The following RHD variants were observed in gnomAD, a reference collection of about 807,000 sequenced individuals.
RHD encodes the protein Rh blood group D antigen.
In RHD, 16 loss-of-function variants were observed where a neutral mutation model predicts 45.5. The observed-to-expected ratio is 0.35, with a 90% CI of 0.24 to 0.53. The LOEUF (loss-of-function observed/expected upper bound fraction) is 0.53, where lower values mean the gene tolerates loss of function less well. Among genes scored for constraint, RHD ranks in the 20% least tolerant of loss-of-function variants. RHD has a pLI of 0.92. For synonymous variants in RHD, 131 were observed against 217.5 expected, an observed-to-expected ratio of 0.60 and a Z score of 3.50; for missense variants, 306 against 532.0, an observed-to-expected ratio of 0.58 and a Z score of 4.18.
At chr1:25,283,779 G>C (rs1261493602) in intron 1 of RHD, among the ~76,000 whole-genome samples, 1 of 134,002 alleles carries the variant, frequency 7.5e-6, no homozygotes, top group African/African-American at 2.6e-5. Flanking sequence ...CACAGTTAGA[G>C]GGTGCCAGAG....
rs1386864174 is a variant in RHD, at chr1:25,314,601, C to A, written c.1074-2399C>A. ...CTCTGCCTCCCAGCTTCAAGCAATT[C>A]TCATACTTCATCCTCCTGAGTAGCT... On this transcript the variant is annotated intron_variant, in intron 7 of 9. Coordinates refer to ENST00000328664, the MANE Select transcript of RHD (RefSeq NM_016124.6). 3.0e-5 allele frequency among the ~76,000 whole-genome samples: 4 copies of A among 132,886 alleles called. 2 individuals carry two copies. Among genetic ancestry groups the A allele is most frequent in the South Asian group, 4.6e-4 (2 of 4,346 alleles). The allele number at this position is 132,886 out of a possible 152,430, so 87.2% of individuals were successfully genotyped here. A position where few individuals can be genotyped will look rare whatever the true frequency, so the allele number is the denominator to read the frequency against.
intron 1 of RHD, among the ~76,000 whole-genome samples, chr1:25,274,833 C>T (rs564891918): frequency 3.0e-5 from 4 of 131,742 alleles, no homozygotes; most frequent in Admixed American, 2.2e-4. Context: ...ATGGCAAAAC[C>T]GCATCTCTAC....
chr1:25,274,817 G>C (rs1640803139), intron 1 of RHD, among the ~76,000 whole-genome samples: 1 of 133,442 alleles, frequency 7.5e-6, no homozygotes, highest in African/African-American at 2.6e-5. Context: ...GACCAGCCTG[G>C]CCAACATGGC....
At chr1:25,299,532 TG>T (rs1469565132) in intron 3 of RHD, among the ~76,000 whole-genome samples, 1 of 131,058 alleles carries the variant, frequency 7.6e-6, no homozygotes, top group Non-Finnish European at 1.8e-5. Flanking sequence ...ACACCCTGGC[TG>T]GGGGTCAGCA....
At chr1:25,281,896 A>T (rs1268385302) in intron 1 of RHD, among the ~76,000 whole-genome samples, 1 of 132,364 alleles carries the variant, frequency 7.6e-6, no homozygotes, top group Non-Finnish European at 1.8e-5. Context: ...TGTATGTTTC[A>T]ATGGAAGTGA....
At position 25,322,457 on chromosome 1, in the gene RHD, G is replaced by A; in HGVS notation, c.1227+495G>A. Among the ~76,000 whole-genome samples, 2 of 132,918 alleles carry A rather than the reference G, an allele frequency of 1.5e-5. 1 individual carries two copies. Among genetic ancestry groups the A allele is most frequent in the Non-Finnish European group, 3.6e-5 (2 of 55,952 alleles). The allele number at this position is 132,918 out of a possible 152,430, so 87.2% of individuals were successfully genotyped here. A position where few individuals can be genotyped will look rare whatever the true frequency, so the allele number is the denominator to read the frequency against. On this transcript the variant is annotated intron_variant, in intron 9 of 9. Coordinates refer to ENST00000328664, the MANE Select transcript of RHD (RefSeq NM_016124.6). The stretch of plus-strand genomic sequence containing the variant: ...GGAGGCTGAGGTGGGGCGATCACCT[G>A]AGGCCAGGAGTTCGAGACCAGCCTG...
In RHD at chr1:25,290,790, A is replaced by G. The variant is rs762720982; in HGVS notation, c.485A>G (p.Asn162Ser). The change falls in exon 3 of 10, where the codon AAC (asparagine) becomes AGC (serine). Residue 162 changes from asparagine (N) to serine (S), a missense_variant and splice_region_variant. Coordinates refer to ENST00000328664, the MANE Select transcript of RHD (RefSeq NM_016124.6). Reference protein sequence around the residue: ...NLRMVISNIFNTDYHMNMMHI... With the variant: ...NLRMVISNIFSTDYHMNMMHI... ...AGGATGGTCATCAGTAATATCTTCA[A>G]CGTGAGTCATGGTGCTGGGAGGAGG... 5.4e-5 allele frequency: 75 copies of G among 1,376,176 alleles called. 16 individuals are homozygous for G. The highest frequency in any genetic ancestry group is 7.4e-5 in the Non-Finnish European group (72 of 977,724). 85.2% of individuals were successfully genotyped at this position (1,376,176 alleles called of 1,614,324 possible).
Position 25,300,104 on chromosome 1 carries a change from A to G in RHD, c.487-842A>G, listed in dbSNP as rs1411863435. On this transcript the variant is annotated intron_variant, in intron 3 of 9. Transcript: ENST00000328664. The stretch of plus-strand genomic sequence containing the variant: ...AAGAAGTCTGGTTGCTTCATGTTGC[A>G]AAATTTATATCACTCATCACTCCCG... Among the ~76,000 whole-genome samples, 31 of 131,306 alleles carry G rather than the reference A, an allele frequency of 2.4e-4. 6 individuals are homozygous for G. The highest frequency in any genetic ancestry group is 7.9e-4 in the African/African-American group (30 of 38,116). The allele number at this position is 131,306 out of a possible 152,430, so 86.1% of individuals were successfully genotyped here. A position where few individuals can be genotyped will look rare whatever the true frequency, so the allele number is the denominator to read the frequency against.
intron 1 of RHD, among the ~76,000 whole-genome samples, chr1:25,273,928 A>G (rs1461708952): frequency 3.1e-5 from 4 of 130,484 alleles, no homozygotes; most frequent in African/African-American, 7.8e-5. Context: ...GGAAGCCCTT[A>G]TACCATTTAA....
Position 25,280,471 on chromosome 1 carries a change from A to G in RHD, c.149-4102A>G, listed in dbSNP as rs1187715071. 1.6e-5 allele frequency among the ~76,000 whole-genome samples: 2 copies of G among 128,254 alleles called. 1 individual carries two copies. Among genetic ancestry groups the G allele is most frequent in the Non-Finnish European group, 3.7e-5 (2 of 54,248 alleles). The allele number at this position is 128,254 out of a possible 152,430, so 84.1% of individuals were successfully genotyped here. ...CAGGCATGCGCCACCATGCCAGGCT[A>G]ATTTTTGTATTTTTAGTAGAGACGG... On this transcript the variant is annotated intron_variant, in intron 1 of 9. Transcript: ENST00000328664.
In RHD at chr1:25,298,932, A is replaced by G. The variant is rs1194248312; in HGVS notation, c.487-2014A>G. Among the ~76,000 whole-genome samples the G allele has an allele frequency of 4.6e-5, 6 of 129,282 alleles. 1 individual carries two copies. The East Asian group carries it at 5.9e-4, about 13-fold the overall frequency. The allele number at this position is 129,282 out of a possible 152,430, so 84.8% of individuals were successfully genotyped here. Reference sequence around the variant, plus strand: ...CCAGGGGCAGCTTCATCTTATCAAGAGGGTGATTTTTTGAGTACAGACCTG... The same window carrying G: ...CCAGGGGCAGCTTCATCTTATCAAGGGGGTGATTTTTTGAGTACAGACCTG... On this transcript the variant is annotated intron_variant, in intron 3 of 9. Coordinates refer to ENST00000328664, the MANE Select transcript of RHD (RefSeq NM_016124.6).
intron 1 of RHD, among the ~76,000 whole-genome samples, chr1:25,280,308 CTTT>C (rs76220916): frequency 6.2e-5 from 7 of 113,048 alleles, no homozygotes; most frequent in Admixed American, 8.6e-5. Context: ...TTCCTCATCT[CTTT>C]TTTTTTTTTT....
In RHD at chr1:25,282,437, G is replaced by T. The variant is rs192289934; in HGVS notation, c.149-2136G>T. 2.5e-3 allele frequency among the ~76,000 whole-genome samples: 329 copies of T among 131,126 alleles called. 46 individuals carry two copies. The highest frequency in any genetic ancestry group is 8.0e-3 in the African/African-American group (310 of 38,522). The allele number at this position is 131,126 out of a possible 152,430, so 86.0% of individuals were successfully genotyped here. ...TTTAGTAGAGACGGGGTTTCACCAT[G>T]TTGGCCAGGCTAGTCTCGAACTGCT... On this transcript the variant is annotated intron_variant, in intron 1 of 9. Coordinates refer to ENST00000328664, the MANE Select transcript of RHD (RefSeq NM_016124.6).
rs1275029025 is a variant in RHD at position 25,292,659 on chromosome 1, G to A, written c.486+1868G>A. On this transcript the variant is annotated intron_variant, in intron 3 of 9. Transcript: ENST00000328664. Reference sequence around the variant, plus strand: ...GTTAGGGTTAAGGTTGGGGGAGGGGGGGTAGAGATGTGTATGAAACATCCC... The same window carrying A: ...GTTAGGGTTAAGGTTGGGGGAGGGGAGGTAGAGATGTGTATGAAACATCCC... Among the ~76,000 whole-genome samples, 2 of 129,404 alleles carry A rather than the reference G, an allele frequency of 1.5e-5. 1 individual carries two copies. The highest frequency in any genetic ancestry group is 3.7e-5 in the Non-Finnish European group (2 of 54,664). The allele number at this position is 129,404 out of a possible 152,430, so 84.9% of individuals were successfully genotyped here.
intron 1 of RHD, among the ~76,000 whole-genome samples, chr1:25,277,749 A>G (rs1476833228): frequency 4.1e-5 from 5 of 121,406 alleles, no homozygotes; most frequent in Admixed American, 2.4e-4. Context: ...ATCTTGGCTC[A>G]CCGCAACCTC....
chr1:25,290,307 TCC>T (rs1161434596), intron 2 of RHD, among the ~76,000 whole-genome samples: 1 of 123,552 alleles, frequency 8.1e-6, no homozygotes, highest in Non-Finnish European at 1.9e-5. Context: ...AGTTATCAGA[TCC>T]CCTGAGGGAA....
chr1:25,306,769 C>A lies in RHD; in HGVS notation c.1073+40C>A. ...TTACCCCCCATCCCCTTAACACTCC[C>A]CTCCAACTCAGGAAGAAATGTGTGC... is the stretch of plus-strand genomic sequence containing the variant. On this transcript the variant is annotated intron_variant, in intron 7 of 9. Transcript: ENST00000328664. 7 of 1,366,982 alleles carry A rather than the reference C, an allele frequency of 5.1e-6. 2 individuals carry two copies. Among genetic ancestry groups the A allele is most frequent in the Non-Finnish European group, 7.2e-6 (7 of 969,950 alleles). 84.7% of individuals were successfully genotyped at this position (1,366,982 alleles called of 1,614,324 possible). A position where few individuals can be genotyped will look rare whatever the true frequency, so the allele number is the denominator to read the frequency against.
rs1298251642 is a variant in RHD at position 25,276,203 on chromosome 1, G to C, written c.148+3508G>C. On this transcript the variant is annotated intron_variant, in intron 1 of 9. Transcript: ENST00000328664. ...AGCATGGTGGGTTGTTTTTGTTTTT[G>C]TTTTTTAAGTCTCCATCTGTTAGAG... is the stretch of plus-strand genomic sequence containing the variant. Among the ~76,000 whole-genome samples the C allele has an allele frequency of 4.4e-4, 57 of 130,164 alleles. 8 individuals carry two copies. Among genetic ancestry groups the C allele is most frequent in the African/African-American group, 1.5e-3 (56 of 38,110 alleles). 85.4% of individuals were successfully genotyped at this position (130,164 alleles called of 152,430 possible). A position where few individuals can be genotyped will look rare whatever the true frequency, so the allele number is the denominator to read the frequency against.
In RHD at chr1:25,275,830, T is replaced by G. The variant is rs2124589549; in HGVS notation, c.148+3135T>G. On this transcript the variant is annotated intron_variant, in intron 1 of 9. Transcript: ENST00000328664. ...GATTGACTTGTCAGATCTGATTAGA[T>G]CAACATGTTTTAAATCTCGAATGTG... Among the ~76,000 whole-genome samples the G allele has an allele frequency of 1.5e-5, 2 of 132,478 alleles. 1 individual carries two copies. Among genetic ancestry groups the G allele is most frequent in the South Asian group, 4.6e-4 (2 of 4,322 alleles). 86.9% of individuals were successfully genotyped at this position (132,478 alleles called of 152,430 possible).
Sources: gnomAD v4.1 joint callset for allele counts (sites outside exome capture counted in the v4.1 genomes callset) on GRCh38, gnomAD v4.1.1 for gene constraint, MANE v1.5 for transcripts, NCBI Gene and HGNC (gene_info 2026-07-23, HGNC 2026-07-21) for gene names.